Variants in PTPRM observed in about 807,000 individuals in gnomAD.
The protein encoded by PTPRM is protein tyrosine phosphatase receptor type M.
In PTPRM, 47 loss-of-function variants were observed where a neutral mutation model predicts 186.7. The observed-to-expected ratio is 0.25, with a 90% CI of 0.20 to 0.32. The LOEUF is 0.32. Among genes scored for constraint, PTPRM ranks in the 10% least tolerant of loss-of-function variants. The pLI is 1.00. For missense variants in PTPRM, 1,494 were observed against 1,865.0 expected, an observed-to-expected ratio of 0.80 and a Z score of 3.66; for synonymous variants, 668 against 674.9, an observed-to-expected ratio of 0.99 and a Z score of 0.16.
At position 7,782,869 on chromosome 18, in the gene PTPRM, A is replaced by G. The variant is rs146462867; in HGVS notation, c.196+8598A>G. 6.9e-4 allele frequency among the ~76,000 whole-genome samples: 105 copies of G among 152,294 alleles called. 1 individual carries two copies. The highest frequency in any genetic ancestry group is 2.5e-3 in the African/African-American group (103 of 41,576). On this transcript the variant is annotated intron_variant, in intron 2 of 32. Coordinates refer to ENST00000580170, the MANE Select transcript of PTPRM (RefSeq NM_001105244.2). ...TATATTATGTATGACCACTTATTTC[A>G]GTAGTTTATATTTAACATTCAACAA... is the stretch of plus-strand genomic sequence containing the variant.
chr18:7,778,809 A>T (rs773151014), intron 2 of PTPRM, among the ~76,000 whole-genome samples: 9 of 152,198 alleles, frequency 5.9e-5, no homozygotes, highest in Non-Finnish European at 1.3e-4. Flanking sequence ...GAACTTTATC[A>T]TAAGGATTAC....
chr18:8,308,499 A>G lies in PTPRM; in HGVS notation c.2843-6282A>G, dbSNP rs2095243317. Among the ~76,000 whole-genome samples the G allele has an allele frequency of 2.6e-5, 4 of 152,256 alleles. No individual in the cohort carries two copies. In the South Asian group the frequency reaches 6.2e-4, roughly 24 times the overall value. On this transcript the variant is annotated intron_variant, in intron 20 of 32. Transcript: ENST00000580170. ...AGAAATAAATTACTTAAGTTTAGTA[A>G]TATATTTTATTAAATCTAATATGTC...
chr18:8,026,362 A>G lies in PTPRM; in HGVS notation c.1133-43324A>G, dbSNP rs538990283. ...ACATGGGCCAGAAGTTCTAAGTTGA[A>G]TGGTATGAAGGAATTAAAATGACAC... On this transcript the variant is annotated intron_variant, in intron 7 of 32. Coordinates refer to ENST00000580170, the MANE Select transcript of PTPRM (RefSeq NM_001105244.2). 2.3e-3 allele frequency among the ~76,000 whole-genome samples: 346 copies of G among 152,312 alleles called. 1 individual carries two copies. The highest frequency in any genetic ancestry group is 7.7e-3 in the African/African-American group (322 of 41,582).
chr18:8,272,787 A>G (rs1363634690), intron 19 of PTPRM, among the ~76,000 whole-genome samples: 2 of 152,130 alleles, frequency 1.3e-5, no homozygotes, highest in Non-Finnish European at 2.9e-5. Context: ...TTTTAGATCA[A>G]GCTTTTGTTC....
At chr18:7,737,277 A>T (rs902527556) in intron 1 of PTPRM, among the ~76,000 whole-genome samples, 1 of 149,820 alleles carries the variant, frequency 6.7e-6, no homozygotes, top group Non-Finnish European at 1.5e-5. Context: ...TTGTGTTTTT[A>T]GTGGTGACGG....
chr18:8,362,174 G>A (rs953914054), intron 23 of PTPRM, among the ~76,000 whole-genome samples: 3 of 152,064 alleles, frequency 2.0e-5, no homozygotes, highest in Admixed American at 6.6e-5. Flanking sequence ...GGTGATCCCC[G>A]GCCCCAACTG....
intron 22 of PTPRM, among the ~76,000 whole-genome samples, chr18:8,322,751 G>T (rs1478472674): frequency 2.6e-5 from 4 of 152,130 alleles, no homozygotes; most frequent in Non-Finnish European, 5.9e-5. Flanking sequence ...CATAAGAACC[G>T]ACTGGATAGA....
intron 14 of PTPRM, among the ~76,000 whole-genome samples, chr18:8,204,771 C>CAA (rs113768465): frequency 1.2e-4 from 18 of 145,058 alleles, no homozygotes; most frequent in African/African-American, 4.1e-4. Context: ...AAAACAAAAA[C>CAA]AAAAAAAAAA....
chr18:7,813,390 G>C (rs536535284), intron 2 of PTPRM, among the ~76,000 whole-genome samples: 4 of 152,324 alleles, frequency 2.6e-5, no homozygotes, highest in African/African-American at 9.6e-5. Context: ...CAAAGACAGA[G>C]TGCATCATTT....
At chr18:8,221,512 A>G (rs1284444486) in intron 14 of PTPRM, among the ~76,000 whole-genome samples, 1 of 152,246 alleles carries the variant, frequency 6.6e-6, no homozygotes, top group Non-Finnish European at 1.5e-5. Flanking sequence ...AGATTCAGAG[A>G]GAGCCAATGC....
intron 1 of PTPRM, among the ~76,000 whole-genome samples, chr18:7,674,902 T>G (rs2039300218): frequency 6.6e-6 from 1 of 152,254 alleles, no homozygotes; most frequent in African/African-American, 2.4e-5. Context: ...GGGAAAAACA[T>G]GACTTTCAGT....
At chr18:8,365,460 C>T (rs375540888) in intron 23 of PTPRM, among the ~76,000 whole-genome samples, 117 of 152,320 alleles carry the variant, frequency 7.7e-4, no homozygotes, top group South Asian at 6.0e-3. Flanking sequence ...AGAAACTGCT[C>T]GGTGGATGGG....
intron 1 of PTPRM, among the ~76,000 whole-genome samples, chr18:7,573,884 C>T (rs1391968895): frequency 6.6e-6 from 1 of 152,200 alleles, no homozygotes. Context: ...AGCCACCACG[C>T]CTGGCCCTGA....
chr18:7,836,851 T>G (rs886153429), intron 2 of PTPRM, among the ~76,000 whole-genome samples: 2 of 152,230 alleles, frequency 1.3e-5, no homozygotes, highest in African/African-American at 4.8e-5. Flanking sequence ...CTGAAAAGTT[T>G]GCTGCCAGAT....
chr18:8,201,898 A>G (rs2093863532), intron 14 of PTPRM, among the ~76,000 whole-genome samples: 1 of 152,208 alleles, frequency 6.6e-6, no homozygotes, highest in Non-Finnish European at 1.5e-5. Context: ...TCATTGGAGA[A>G]CACCTTCAAG....
At chr18:7,982,175 CTT>C (rs2082588926) in intron 7 of PTPRM, among the ~76,000 whole-genome samples, 1 of 151,856 alleles carries the variant, frequency 6.6e-6, no homozygotes, top group African/African-American at 2.4e-5. Context: ...TTGTTTGGCT[CTT>C]TTGTAATAAC....
intron 4 of PTPRM, among the ~76,000 whole-genome samples, chr18:7,926,174 G>A (rs1175009692): frequency 6.6e-6 from 1 of 152,100 alleles, no homozygotes; most frequent in African/African-American, 2.4e-5. Flanking sequence ...ACTTCTTACT[G>A]TTCTTTTCAT....
At chr18:7,665,920 CA>C (rs533855367) in intron 1 of PTPRM, among the ~76,000 whole-genome samples, 40 of 142,604 alleles carry the variant, frequency 2.8e-4, no homozygotes, top group African/African-American at 3.6e-4. Context: ...GACTCTGTCT[CA>C]AAAAAAAAAT....
chr18:8,064,098 C>T (rs751886483), intron 7 of PTPRM, among the ~76,000 whole-genome samples: 53 of 152,048 alleles, frequency 3.5e-4, no homozygotes, highest in Non-Finnish European at 6.3e-4. Context: ...ATAAGAATTC[C>T]AGCTTTCAAA....
Sources: gnomAD v4.1 joint callset for allele counts (sites outside exome capture counted in the v4.1 genomes callset) on GRCh38, gnomAD v4.1.1 for gene constraint, MANE v1.5 for transcripts, NCBI Gene and HGNC (gene_info 2026-07-23, HGNC 2026-07-21) for gene names.